TPRG1: variants seen among roughly 807,000 people sequenced by gnomAD.
TPRG1 encodes tumor protein p63 regulated 1.
In TPRG1, 29 loss-of-function variants were observed where a neutral mutation model predicts 29.3. That is an observed-to-expected ratio of 0.99 (90% CI 0.74 to 1.35). The LOEUF is 1.35. Ranked by LOEUF, TPRG1 falls within the 40% of genes most tolerant of loss-of-function variation. The probability of loss-of-function intolerance (pLI) is 0.00; values close to 1 mark genes in which losing one functional copy is unlikely to be tolerated. For synonymous variants in TPRG1, 130 were observed against 116.8 expected, an observed-to-expected ratio of 1.11 and a Z score of -0.73; for missense variants, 327 against 335.0, an observed-to-expected ratio of 0.98 and a Z score of 0.19.
intron 3 of TPRG1, among the ~76,000 whole-genome samples, chr3:189,022,840 T>C (rs1354033448): frequency 1.3e-5 from 2 of 152,234 alleles, no homozygotes; most frequent in African/African-American, 4.8e-5. Context: ...GCTGCCGCCT[T>C]GCAGTTTGAT....
chr3:189,283,283 TG>T (rs1241547817), intron 4 of TPRG1, among the ~76,000 whole-genome samples: 8 of 152,250 alleles, frequency 5.3e-5, no homozygotes, highest in African/African-American at 1.9e-4. Flanking sequence ...TTTGATAGAC[TG>T]GTAATGGTTT....
intron 4 of TPRG1, among the ~76,000 whole-genome samples, chr3:189,290,492 GCTTTGT>G (rs540277952): frequency 9.3e-4 from 142 of 152,322 alleles, no homozygotes; most frequent in African/African-American, 3.3e-3. Flanking sequence ...AACATAGAAA[GCTTTGT>G]CTTAACCCCT....
At position 189,219,508 on chromosome 3, in the gene TPRG1, T is replaced by C. The variant is rs560458074; in HGVS notation, c.302+4125T>C. 1.6e-5 allele frequency: 16 copies of C among 976,236 alleles called. 1 individual carries two copies. The African/African-American group carries it at 2.3e-4, about 14-fold the overall frequency. The allele number at this position is 976,236 out of a possible 1,614,324, so 60.5% of individuals were successfully genotyped here. A position where few individuals can be genotyped will look rare whatever the true frequency, so the allele number is the denominator to read the frequency against. ...TGCAGTTTCCTATTACCTTTCTTAT[T>C]GGCCCTTCTGAAAAAAAAAAAAAAA... On this transcript the variant is annotated intron_variant, in intron 3 of 5. Transcript: ENST00000345063.
chr3:189,200,075 TA>T (rs1038618728), intron 1 of TPRG1, among the ~76,000 whole-genome samples: 1 of 152,182 alleles, frequency 6.6e-6, no homozygotes, highest in Non-Finnish European at 1.5e-5. Flanking sequence ...TTTCTTGGCC[TA>T]GCCCTGTATT....
At chr3:189,243,861 G>A (rs911048689) in intron 4 of TPRG1, among the ~76,000 whole-genome samples, 5 of 152,150 alleles carry the variant, frequency 3.3e-5, no homozygotes, top group Non-Finnish European at 7.3e-5. Flanking sequence ...TTACATTTGA[G>A]ACTTAATTAG....
intron 4 of TPRG1, among the ~76,000 whole-genome samples, chr3:189,276,438 A>G (rs183172312): frequency 6.6e-6 from 1 of 152,334 alleles, no homozygotes; most frequent in East Asian, 1.9e-4. Flanking sequence ...ATTGTGTGAA[A>G]TTTAGTGTTG....
chr3:189,269,116 TA>T (rs1278029467), intron 4 of TPRG1, among the ~76,000 whole-genome samples: 1 of 151,482 alleles, frequency 6.6e-6, no homozygotes, highest in Admixed American at 6.6e-5. Context: ...TTTTTCTTTT[TA>T]AAAAAGAACA....
chr3:189,286,156 T>C (rs6790131), intron 4 of TPRG1, among the ~76,000 whole-genome samples: 13,339 of 152,092 alleles, frequency 0.088, 807 homozygotes, highest in East Asian at 0.15. Flanking sequence ...CCTCTCTGCT[T>C]AGAATGCTAT....
chr3:189,140,848 C>G (rs1031167714), intron 3 of TPRG1, among the ~76,000 whole-genome samples: 30 of 152,094 alleles, frequency 2.0e-4, no homozygotes, highest in African/African-American at 7.2e-4. Flanking sequence ...AGGCAGACAC[C>G]TCCTCTCGAA....
chr3:189,154,121 A>G (rs555423373), intron 5 of TPRG1, among the ~76,000 whole-genome samples: 2 of 152,268 alleles, frequency 1.3e-5, no homozygotes, highest in South Asian at 2.1e-4. Context: ...TCTTGGATGG[A>G]AGGAAGGCAT....
intron 4 of TPRG1, among the ~76,000 whole-genome samples, chr3:189,075,997 A>T (rs570998955): frequency 6.6e-6 from 1 of 152,274 alleles, no homozygotes; most frequent in Admixed American, 6.5e-5. Context: ...CTTTATGAAT[A>T]TAACAACATA....
intron 4 of TPRG1, among the ~76,000 whole-genome samples, chr3:189,304,012 G>T (rs1218725231): frequency 6.6e-6 from 1 of 152,034 alleles, no homozygotes; most frequent in Admixed American, 6.5e-5. Flanking sequence ...TTCTTCTGCA[G>T]GTTAAGATCA....
chr3:189,013,705 G>A (rs1712769504), intron 3 of TPRG1, among the ~76,000 whole-genome samples: 1 of 152,134 alleles, frequency 6.6e-6, no homozygotes, highest in Admixed American at 6.6e-5. Context: ...GGGTGCTCCT[G>A]TATTTGGTGC....
At chr3:189,199,610 G>A (rs532909159) in intron 1 of TPRG1, among the ~76,000 whole-genome samples, 1 of 152,280 alleles carries the variant, frequency 6.6e-6, no homozygotes, top group South Asian at 2.1e-4. Flanking sequence ...GGAAGCCGAG[G>A]CAGGCGAATC....
chr3:189,258,473 A>AT (rs1712327142), intron 4 of TPRG1, among the ~76,000 whole-genome samples: 1 of 152,100 alleles, frequency 6.6e-6, no homozygotes, highest in Non-Finnish European at 1.5e-5. Flanking sequence ...ATCAGGAGGC[A>AT]TGGGGGTCAG....
intron 1 of TPRG1, among the ~76,000 whole-genome samples, chr3:189,105,494 C>T (rs1719712084): frequency 6.6e-6 from 1 of 152,076 alleles, no homozygotes; most frequent in South Asian, 2.1e-4. Flanking sequence ...CATAATGAGC[C>T]TCTCTCATAT....
At chr3:189,270,123 A>G (rs552820938) in intron 4 of TPRG1, among the ~76,000 whole-genome samples, 117 of 152,168 alleles carry the variant, frequency 7.7e-4, no homozygotes, top group African/African-American at 2.8e-3. Context: ...ATCTTCAGAA[A>G]TAAAATTTGA....
chr3:189,284,351 C>G (rs1237226590), intron 4 of TPRG1, among the ~76,000 whole-genome samples: 14 of 120,668 alleles, frequency 1.2e-4, no homozygotes, highest in Admixed American at 7.0e-4. Context: ...TCCCTCCCCC[C>G]CCCTCCCCCC....
intron 4 of TPRG1, among the ~76,000 whole-genome samples, chr3:189,286,319 C>T (rs1007105748): frequency 6.6e-6 from 1 of 151,978 alleles, no homozygotes; most frequent in Non-Finnish European, 1.5e-5. Context: ...TATATCATAT[C>T]CTTCTGCCAC....
Sources: gnomAD v4.1 joint callset for allele counts (sites outside exome capture counted in the v4.1 genomes callset) on GRCh38, gnomAD v4.1.1 for gene constraint, MANE v1.5 for transcripts, NCBI Gene and HGNC (gene_info 2026-07-23, HGNC 2026-07-21) for gene names.